The following EYA4 variants were observed in gnomAD, a reference collection of about 807,000 sequenced individuals.
EYA4 encodes the protein protein phosphatase EYA4.
Under a neutral mutation model 87.9 loss-of-function variants are expected in EYA4, and 31 were observed. The ratio of observed to expected loss-of-function variants is 0.35; its 90% CI spans 0.27 to 0.48. The LOEUF is 0.48. Among genes scored for constraint, EYA4 ranks in the 20% least tolerant of loss-of-function variants. The probability of loss-of-function intolerance (pLI) is 0.99; values close to 1 mark genes in which losing one functional copy is unlikely to be tolerated. For missense variants in EYA4, 678 were observed against 761.4 expected (o/e 0.89, Z 1.29); for synonymous variants, 263 against 270.6 (o/e 0.97, Z 0.28).
chr6:133,470,004 G>T (rs1413106175), intron 11 of EYA4, among the ~76,000 whole-genome samples: 1 of 151,098 alleles, frequency 6.6e-6, no homozygotes, highest in South Asian at 2.1e-4. Context: ...TTTGTCAGAT[G>T]AGTAGGTTGC....
chr6:133,416,801 C>T (rs1176587766), intron 3 of EYA4, among the ~76,000 whole-genome samples: 1 of 152,232 alleles, frequency 6.6e-6, no homozygotes, highest in Non-Finnish European at 1.5e-5. Context: ...CTCTGCTCTT[C>T]ACATACCTTG....
chr6:133,249,753 G>C (rs1774734024), intron 1 of EYA4, among the ~76,000 whole-genome samples: 1 of 152,180 alleles, frequency 6.6e-6, no homozygotes, highest in African/African-American at 2.4e-5. Flanking sequence ...CAAAATGTTA[G>C]CTCCTCTGAT....
chr6:133,504,127 A>G (rs1798381519), intron 13 of EYA4, among the ~76,000 whole-genome samples: 2 of 152,320 alleles, frequency 1.3e-5, no homozygotes, highest in East Asian at 1.9e-4. Flanking sequence ...CATGTTGGCC[A>G]GGCTGGTCTC....
intron 10 of EYA4, among the ~76,000 whole-genome samples, chr6:133,465,605 C>A (rs1168739555): frequency 1.3e-5 from 2 of 152,114 alleles, no homozygotes; most frequent in African/African-American, 4.8e-5. Context: ...ACTTCCAAAT[C>A]TTTTGTCCTT....
chr6:133,385,391 CTGTGTGTGTGTGTGTGTG>C (rs66881281), intron 3 of EYA4, among the ~76,000 whole-genome samples: 15 of 115,342 alleles, frequency 1.3e-4, no homozygotes, highest in East Asian at 1.3e-3. Context: ...TATGCTCTCT[CTGTGTGTGTGTGTGTGTG>C]TGTGTGTGTG....
At position 133,275,994 on chromosome 6, in the gene EYA4, A is replaced by G. The variant is rs561862390; in HGVS notation, c.33+1181A>G. ...GGCTATGGGAAGGCAAGGGCTTTCA[A>G]ACTTTTAAAAATGCTGGTTATTGAC... On this transcript the variant is annotated intron_variant, in intron 2 of 19. Transcript: ENST00000355286. Among the ~76,000 whole-genome samples, 165 of 152,206 alleles carry G rather than the reference A, an allele frequency of 1.1e-3. 1 individual carries two copies. Among genetic ancestry groups the G allele is most frequent in the Non-Finnish European group, 2.0e-3 (137 of 68,044 alleles).
At chr6:133,342,100 G>A (rs977571675) in intron 2 of EYA4, among the ~76,000 whole-genome samples, 4 of 151,908 alleles carry the variant, frequency 2.6e-5, no homozygotes, top group African/African-American at 9.7e-5. Context: ...GGTAACTTAT[G>A]GACCCTAAGG....
At chr6:133,347,641 A>G (rs558977117) in intron 2 of EYA4, among the ~76,000 whole-genome samples, 1 of 152,328 alleles carries the variant, frequency 6.6e-6, no homozygotes, top group Non-Finnish European at 1.5e-5. Context: ...CACTGTTGCC[A>G]GCATTTTTCA....
chr6:133,467,900 G>A (rs900187625), intron 10 of EYA4, among the ~76,000 whole-genome samples: 83 of 152,038 alleles, frequency 5.5e-4, no homozygotes, highest in African/African-American at 1.8e-3. Flanking sequence ...GCAGGTCAGG[G>A]GTGTTGATTC....
At chr6:133,286,379 A>G (rs118011914) in intron 2 of EYA4, among the ~76,000 whole-genome samples, 2,676 of 152,334 alleles carry the variant, frequency 0.018, 35 homozygotes, top group South Asian at 0.06. Flanking sequence ...CAAGATATCA[A>G]TGGTATTTCA....
intron 2 of EYA4, among the ~76,000 whole-genome samples, chr6:133,362,339 T>G (rs1413682753): frequency 1.3e-5 from 2 of 152,166 alleles, no homozygotes; most frequent in African/African-American, 4.8e-5. Flanking sequence ...TATTGACTAG[T>G]CTTTGGGCCG....
In EYA4 at chr6:133,428,520, C is replaced by A. The variant is rs115717735; in HGVS notation, c.84-18110C>A. Among the ~76,000 whole-genome samples, 714 of 152,274 alleles carry A rather than the reference C, an allele frequency of 4.7e-3. 6 individuals carry two copies. The highest frequency in any genetic ancestry group is 0.016 in the African/African-American group (655 of 41,556). On this transcript the variant is annotated intron_variant, in intron 3 of 19. Coordinates refer to ENST00000355286, the MANE Select transcript of EYA4 (RefSeq NM_004100.5). ...TTTAAACAATACTGTAATTTATCTG[C>A]TCTCATAACTGGAATTCCAGAGGTA...
chr6:133,408,488 G>GA (rs139701177), intron 3 of EYA4, among the ~76,000 whole-genome samples: 7 of 150,718 alleles, frequency 4.6e-5, no homozygotes, highest in Non-Finnish European at 8.9e-5. Flanking sequence ...TTCAGTTTTG[G>GA]AAAAAAAAAT....
chr6:133,324,440 G>A (rs1781332983), intron 2 of EYA4, among the ~76,000 whole-genome samples: 1 of 152,148 alleles, frequency 6.6e-6, no homozygotes, highest in African/African-American at 2.4e-5. Context: ...GAGGCAGAGA[G>A]AAGTGTTATA....
At chr6:133,251,889 C>T (rs1028695391) in intron 1 of EYA4, among the ~76,000 whole-genome samples, 1 of 152,168 alleles carries the variant, frequency 6.6e-6, no homozygotes, top group African/African-American at 2.4e-5. Flanking sequence ...GTGGAGAATC[C>T]TAATACCTTC....
chr6:133,526,025 G>T (rs1344028481), intron 19 of EYA4: 1 of 477,708 alleles, frequency 2.1e-6, no homozygotes, highest in Non-Finnish European at 2.7e-6. Context: ...ATTTTAATAA[G>T]CCTTTTCATC....
At chr6:133,304,820 G>A (rs948301577) in intron 2 of EYA4, among the ~76,000 whole-genome samples, 1 of 146,938 alleles carries the variant, frequency 6.8e-6, no homozygotes, top group Non-Finnish European at 1.5e-5. Flanking sequence ...AGGACTCTAG[G>A]CCTTGGGAAT....
At chr6:133,490,378 T>C (rs1465084152) in intron 13 of EYA4, among the ~76,000 whole-genome samples, 1 of 146,936 alleles carries the variant, frequency 6.8e-6, no homozygotes, top group Non-Finnish European at 1.5e-5. Flanking sequence ...AGTGGCTGAA[T>C]AGATTAAAAA....
At chr6:133,438,426 G>T (rs1380099008) in intron 3 of EYA4, among the ~76,000 whole-genome samples, 1 of 146,072 alleles carries the variant, frequency 6.8e-6, no homozygotes, top group East Asian at 2.0e-4. Context: ...GTCCAGATTG[G>T]CTATGAGCCC....
Sources: gnomAD v4.1 joint callset for allele counts (sites outside exome capture counted in the v4.1 genomes callset) on GRCh38, gnomAD v4.1.1 for gene constraint, MANE v1.5 for transcripts, NCBI Gene and HGNC (gene_info 2026-07-23, HGNC 2026-07-21) for gene names.